Variants in DSG1 observed in about 807,000 individuals in gnomAD.
DSG1 encodes the protein desmoglein 1.
Under a neutral mutation model 97.5 loss-of-function variants are expected in DSG1, and 39 were observed. That is an observed-to-expected ratio of 0.40 (90% CI 0.31 to 0.52). The LOEUF (loss-of-function observed/expected upper bound fraction) is 0.52, where lower values mean the gene tolerates loss of function less well. Among genes scored for constraint, DSG1 ranks in the 20% least tolerant of loss-of-function variants. The probability of loss-of-function intolerance (pLI) is 0.53; values close to 1 mark genes in which losing one functional copy is unlikely to be tolerated. For missense variants in DSG1, 1,311 were observed against 1,295.4 expected (o/e 1.01, Z -0.18); for synonymous variants, 475 against 443.4 (o/e 1.07, Z -0.90).
intron 9 of DSG1, 60 bp from the exon 10 acceptor site, chr18:31,338,255 A>G: frequency 6.5e-7 from 1 of 1,528,378 alleles, no homozygotes; most frequent in Non-Finnish European, 9.0e-7. Flanking sequence ...TACATTTTAA[A>G]TTAAAATTTC....
At chr18:31,343,606 T>C in intron 12 of DSG1, 23 bp downstream of exon 12, 4 of 1,614,076 alleles carry the variant, frequency 2.5e-6, no homozygotes, top group South Asian at 1.1e-5. Context: ...TTCTAAGAAA[T>C]AGCCGTTGGT....
At chr18:31,335,643 G>A (rs764450307) in intron 8 of DSG1, among the ~76,000 whole-genome samples, 3 of 151,512 alleles carry the variant, frequency 2.0e-5, no homozygotes, top group East Asian at 1.9e-4. Flanking sequence ...AGTTCAATGC[G>A]TGAAATTCTA....
At chr18:31,332,827 T>C (rs2071729147) in intron 6 of DSG1, among the ~76,000 whole-genome samples, 1 of 152,136 alleles carries the variant, frequency 6.6e-6, no homozygotes, top group Admixed American at 6.6e-5. Context: ...TAGAAGAAAT[T>C]GAATGTTTAC....
chr18:31,334,926 C>T (rs375652196), intron 8 of DSG1, among the ~76,000 whole-genome samples: 1 of 152,074 alleles, frequency 6.6e-6, no homozygotes, highest in Non-Finnish European at 1.5e-5. Flanking sequence ...CTTACACAGT[C>T]GATTTTTAAA....
Position 31,336,535 on chromosome 18 carries a change from G to T in DSG1, c.1187G>T (p.Gly396Val). 6.2e-7 allele frequency: 1 copy of T among 1,613,948 alleles called. No homozygotes were observed. Among genetic ancestry groups the T allele is most frequent in the Non-Finnish European group, 8.5e-7 (1 of 1,179,912 alleles). Residue 396 changes from glycine to valine, a missense_variant, in exon 9 of 15, where the codon GGT becomes GTT. Physicochemically the swap from Gly to Val is moderately radical, Grantham distance 109 (BLOSUM62 -3). Around this residue, in one of 3 missense-constraint regions of DSG1, gnomAD observed 1,038 missense variants for 964.6 expected, o/e 1.08. Transcript: ENST00000257192. Reference sequence around the variant, plus strand: ...GGTTCAAAGACATATGTTGTAACTGGTAATATGGGATCAAATGATAAAGTG... The same window carrying T: ...GGTTCAAAGACATATGTTGTAACTGTTAATATGGGATCAAATGATAAAGTG... ...RPGSKTYVVT[G>V]NMGSNDKVGD...
chr18:31,327,817 G>C (rs1316546924), intron 3 of DSG1, among the ~76,000 whole-genome samples: 2 of 152,112 alleles, frequency 1.3e-5, no homozygotes, highest in Non-Finnish European at 2.9e-5. Context: ...AACTCCTTAA[G>C]AGGGCAAAGA....
rs183960762 is a variant in DSG1, at chr18:31,354,743, C to T, written c.2547C>T (p.Pro849=). The T allele has an allele frequency of 2.5e-6, 4 of 1,614,190 alleles. No homozygotes were observed. Among genetic ancestry groups the T allele is most frequent in the Admixed American group, 3.3e-5 (2 of 60,028 alleles). Residue 849 remains proline, a synonymous_variant, in exon 15 of 15, where the codon CCC becomes CCT. Coordinates refer to ENST00000257192, the MANE Select transcript of DSG1 (RefSeq NM_001942.4). ...ACACCACCTCTGACACTCTGAAGCCCTCTGTGCACGTTCACGATAACCGAC... is the reference window on the plus strand; with the variant it reads ...ACACCACCTCTGACACTCTGAAGCCTTCTGTGCACGTTCACGATAACCGAC... The part of the protein sequence containing the change: ...ESYTTSDTLK[P]SVHVHDNRPA...
chr18:31,352,109 G>A (rs1392330344), intron 14 of DSG1, among the ~76,000 whole-genome samples: 30 of 151,832 alleles, frequency 2.0e-4, no homozygotes, highest in East Asian at 5.8e-4. Context: ...AGCTGGTACC[G>A]GTTGTTCCTT....
Position 31,333,606 on chromosome 18 carries a change from T to C in DSG1, c.702T>C (p.Ala234=), listed in dbSNP as rs1246464942. Residue 234 remains alanine (A), a synonymous_variant, in exon 7 of 15, where the codon GCT becomes GCC. Coordinates refer to ENST00000257192, the MANE Select transcript of DSG1 (RefSeq NM_001942.4). ...ATTTTTAGCAATACGGCCAGTATGC[T>C]CTTGCTGTAAGAGGCTCTGACCGAG... The part of the protein sequence containing the change: ...FLDREQYGQY[A]LAVRGSDRDG... 6.2e-7 allele frequency: 1 copy of C among 1,613,908 alleles called. No homozygotes were observed. Among genetic ancestry groups the C allele is most frequent in the East Asian group, 2.2e-5 (1 of 44,866 alleles).
chr18:31,354,999 GGTAGTCTGA>G lies in DSG1; in HGVS notation c.2807_2815del (p.Ser936_Ser938del). 6.2e-7 allele frequency: 1 copy of G among 1,614,230 alleles called. No individual in the cohort carries two copies. ...AATCCAACCAACTTCCGGCATGATA[GGTAGTCTGA>G]GTATGCACCCCGAGTTAGCCAATGC... On this transcript the variant is annotated inframe_deletion, in exon 15 of 15. Coordinates refer to ENST00000257192, the MANE Select transcript of DSG1 (RefSeq NM_001942.4).
intron 9 of DSG1, 116 bp downstream of exon 9, chr18:31,336,729 A>G: frequency 8.9e-7 from 1 of 1,123,166 alleles, no homozygotes; most frequent in African/African-American, 1.6e-5. Context: ...TGAAACTATC[A>G]TTTAATTGTA....
chr18:31,324,977 A>C (rs901827357), intron 1 of DSG1, among the ~76,000 whole-genome samples: 2 of 152,240 alleles, frequency 1.3e-5, no homozygotes, highest in African/African-American at 4.8e-5. Flanking sequence ...GTCATTTTAC[A>C]AGTGAGAAAA....
Position 31,329,328 on chromosome 18 carries a change from C to G in DSG1, c.373-564C>G, listed in dbSNP as rs375096443. Among the ~76,000 whole-genome samples, 3 of 152,128 alleles carry G rather than the reference C, an allele frequency of 2.0e-5. No homozygotes were observed. In the South Asian group the frequency reaches 6.2e-4, roughly 32 times the overall value. ...CTCTTCTATTAAAACCCCACCAGTC[C>G]GTATCCCAAAATACCTTCAAATAAT... On this transcript the variant is annotated intron_variant, in intron 4 of 14. Transcript: ENST00000257192.
intron 6 of DSG1, 79 bp from the exon 7 acceptor site, chr18:31,333,510 C>A: frequency 1.3e-6 from 2 of 1,594,432 alleles, no homozygotes; most frequent in South Asian, 2.2e-5. Flanking sequence ...GTTGAGCCAA[C>A]TTTTCAAAGA....
Position 31,344,009 on chromosome 18 carries a change from ATTTG to A in DSG1, c.1891+18_1891+21del. 6.3e-7 allele frequency: 1 copy of A among 1,590,368 alleles called. No homozygotes were observed. Among genetic ancestry groups the A allele is most frequent in the African/African-American group, 1.3e-5 (1 of 74,392 alleles). ...TTGACAACTCAGGTAAGAAAAAAGA[ATTTG>A]TTTAACATCTCAAATGCTTAAGTAG... On this transcript the variant is annotated intron_variant, in intron 13 of 14. Transcript: ENST00000257192.
chr18:31,346,031 C>G lies in DSG1; in HGVS notation c.1933C>G (p.Leu645Val), dbSNP rs373134500. 1.2e-6 allele frequency: 2 copies of G among 1,613,732 alleles called. No homozygotes were observed. The highest frequency in any genetic ancestry group is 2.2e-5 in the South Asian group (2 of 91,064). ...GTATGGTGGCAGAGAAATGCAAGAT[C>G]TGGGAGGAGGAGAGAGAATGACAGG... is the stretch of plus-strand genomic sequence containing the variant. ...NEYGGREMQD[L>V]GGGERMTGFE... The change falls in exon 14 of 15, where the codon CTG becomes GTG. Residue 645 changes from leucine (L) to valine (V), a missense_variant. Transcript: ENST00000257192.
At chr18:31,322,330 C>T (rs148508102) in intron 1 of DSG1, among the ~76,000 whole-genome samples, 2,068 of 152,282 alleles carry the variant, frequency 0.014, 31 homozygotes, top group Admixed American at 0.02. Context: ...ACAGCTCTTC[C>T]CCCACACACT....
At chr18:31,321,587 A>C (rs1419133968) in intron 1 of DSG1, among the ~76,000 whole-genome samples, 5 of 152,170 alleles carry the variant, frequency 3.3e-5, no homozygotes, top group Admixed American at 1.3e-4. Flanking sequence ...ATCTTCTATC[A>C]CCTTTACAGA....
intron 6 of DSG1, among the ~76,000 whole-genome samples, chr18:31,333,070 A>C (rs975596805): frequency 2.6e-5 from 4 of 152,168 alleles, no homozygotes; most frequent in African/African-American, 9.7e-5. Context: ...GCATTTTTGC[A>C]TGAGTCAAGG....
Sources: allele counts gnomAD v4.1 joint callset (sites outside exome capture counted in the v4.1 genomes callset), GRCh38; gene constraint gnomAD v4.1.1; regional missense constraint gnomAD v4.1.1; transcripts MANE v1.5; gene names NCBI Gene and HGNC (gene_info 2026-07-23, HGNC 2026-07-21).